The following ANO10 variants were observed in gnomAD, a reference collection of about 807,000 sequenced individuals.
ANO10 encodes the protein anoctamin 10.
In ANO10, 77 loss-of-function variants were observed where a neutral mutation model predicts 74.7. That is an observed-to-expected ratio of 1.03 (90% CI 0.86 to 1.25). The LOEUF is 1.25. ANO10 is among the 50% of genes most tolerant of loss of function. ANO10 has a pLI of 0.00. For missense variants in ANO10, 721 were observed against 778.1 expected, an observed-to-expected ratio of 0.93 and a Z score of 0.87; for synonymous variants, 279 against 284.9, an observed-to-expected ratio of 0.98 and a Z score of 0.21.
chr3:43,445,099 G>T (rs1171387456), intron 11 of ANO10, among the ~76,000 whole-genome samples: 1 of 146,708 alleles, frequency 6.8e-6, no homozygotes, highest in Non-Finnish European at 1.5e-5. Context: ...CTCCAGCCTG[G>T]GCTACAGAGT....
At chr3:43,607,341 A>G (rs893710790) in intron 1 of ANO10, among the ~76,000 whole-genome samples, 3 of 151,908 alleles carry the variant, frequency 2.0e-5, no homozygotes, top group Non-Finnish European at 2.9e-5. Context: ...GTCTAAAAAA[A>G]AAAAACAAAA....
chr3:43,615,313 G>A (rs927611809), intron 1 of ANO10, among the ~76,000 whole-genome samples: 6 of 152,080 alleles, frequency 3.9e-5, no homozygotes, highest in African/African-American at 1.2e-4. Flanking sequence ...CAACCAGACA[G>A]CCTGACACCA....
intron 12 of ANO10, among the ~76,000 whole-genome samples, chr3:43,427,616 T>C (rs2092917868): frequency 6.6e-6 from 1 of 152,210 alleles, no homozygotes; most frequent in African/African-American, 2.4e-5. Context: ...ATGTTTTCAA[T>C]AACTCAATTT....
At chr3:43,505,527 G>A (rs1391383496) in intron 11 of ANO10, among the ~76,000 whole-genome samples, 4 of 152,186 alleles carry the variant, frequency 2.6e-5, no homozygotes, top group African/African-American at 4.8e-5. Flanking sequence ...AGCCCTTTAT[G>A]TGAGGCATGC....
intron 11 of ANO10, among the ~76,000 whole-genome samples, chr3:43,466,795 T>C (rs148191116): frequency 2.6e-5 from 4 of 152,286 alleles, no homozygotes; most frequent in Admixed American, 6.5e-5. Context: ...TTCAACACAT[T>C]ATGTTAAGTA....
At chr3:43,481,935 T>C (rs2076287173) in intron 11 of ANO10, among the ~76,000 whole-genome samples, 1 of 148,132 alleles carries the variant, frequency 6.8e-6, no homozygotes, top group South Asian at 2.2e-4. Context: ...TTCTTTTTTT[T>C]TTTTTTTTTT....
At chr3:43,507,172 T>C (rs1276580759) in intron 11 of ANO10, among the ~76,000 whole-genome samples, 1 of 152,206 alleles carries the variant, frequency 6.6e-6, no homozygotes, top group Non-Finnish European at 1.5e-5. Flanking sequence ...AGTTGATAAG[T>C]ACATTTCTCT....
At chr3:43,500,074 T>C (rs1224225794) in intron 11 of ANO10, among the ~76,000 whole-genome samples, 1 of 152,166 alleles carries the variant, frequency 6.6e-6, no homozygotes, top group Non-Finnish European at 1.5e-5. Flanking sequence ...CTTGAACTCC[T>C]GACCACAGGT....
At chr3:43,439,999 A>T (rs1444842452) in intron 11 of ANO10, among the ~76,000 whole-genome samples, 1 of 152,206 alleles carries the variant, frequency 6.6e-6, no homozygotes, top group Non-Finnish European at 1.5e-5. Context: ...AAGATATTTT[A>T]TGTAATCCCC....
chr3:43,594,056 G>C lies in ANO10; in HGVS notation c.472+4476C>G, dbSNP rs532928764. On this transcript the variant is annotated intron_variant, in intron 4 of 12. Transcript: ENST00000292246. ...TAAAGGGATCAATTCAACAAGAAGAGCTAACTATCCTAAATATATATGCAC... is the reference window on the plus strand; with the variant it reads ...TAAAGGGATCAATTCAACAAGAAGACCTAACTATCCTAAATATATATGCAC... Among the ~76,000 whole-genome samples the C allele has an allele frequency of 2.3e-3, 353 of 152,298 alleles. 2 individuals carry two copies. Among genetic ancestry groups the C allele is most frequent in the African/African-American group, 8.2e-3 (339 of 41,564 alleles).
intron 12 of ANO10, among the ~76,000 whole-genome samples, chr3:43,415,244 T>G (rs1002460961): frequency 5.9e-5 from 9 of 152,056 alleles, no homozygotes; most frequent in Admixed American, 2.6e-4. Flanking sequence ...CCTCAAGTGC[T>G]GGGATTACAG....
intron 12 of ANO10, among the ~76,000 whole-genome samples, chr3:43,428,320 G>C (rs1445032535): frequency 6.6e-6 from 1 of 151,992 alleles, no homozygotes; most frequent in Non-Finnish European, 1.5e-5. Flanking sequence ...AAAGTGCTGG[G>C]ATTACAGGCG....
chr3:43,366,678 ACTGGGAAGGAG>A lies in ANO10; in HGVS notation c.*217_*227del. On this transcript the variant is annotated 3_prime_UTR_variant, in exon 13 of 13. Coordinates refer to ENST00000292246, the MANE Select transcript of ANO10 (RefSeq NM_018075.5). Reference sequence around the variant, plus strand: ...AGCAGCGTGTGGGGCCCGGGAAGGAACTGGGAAGGAGCAGACAGGGTGGGGCTGGGGGAACT... The same window carrying A: ...AGCAGCGTGTGGGGCCCGGGAAGGAACAGACAGGGTGGGGCTGGGGGAACT... The A allele has an allele frequency of 1.7e-6, 1 of 595,948 alleles. No individual in the cohort carries two copies. The highest frequency in any genetic ancestry group is 3.0e-6 in the Non-Finnish European group (1 of 332,848). The allele number at this position is 595,948 out of a possible 1,614,324, so 36.9% of individuals were successfully genotyped here.
chr3:43,368,090 G>C (rs73076843), intron 12 of ANO10, among the ~76,000 whole-genome samples: 2,988 of 152,292 alleles, frequency 0.02, 51 homozygotes, highest in Non-Finnish European at 0.032. Flanking sequence ...CTCAACTCCT[G>C]ACCATTCTCA....
chr3:43,501,674 T>C (rs2077105129), intron 11 of ANO10, among the ~76,000 whole-genome samples: 1 of 152,212 alleles, frequency 6.6e-6, no homozygotes, highest in Non-Finnish European at 1.5e-5. Flanking sequence ...CAGCTCATTA[T>C]TCACTTTCTA....
intron 11 of ANO10, among the ~76,000 whole-genome samples, chr3:43,518,483 G>A (rs761091349): frequency 1.3e-5 from 2 of 152,178 alleles, no homozygotes; most frequent in Non-Finnish European, 2.9e-5. Flanking sequence ...AAAAGGAACA[G>A]GATGGCTGCG....
chr3:43,481,178 A>G (rs553169309), intron 11 of ANO10, among the ~76,000 whole-genome samples: 15 of 152,214 alleles, frequency 9.9e-5, no homozygotes, highest in African/African-American at 1.7e-4. Context: ...AATTTGAGTC[A>G]TATACTCTAG....
At chr3:43,591,642 A>G (rs1276233308) in intron 4 of ANO10, among the ~76,000 whole-genome samples, 1 of 152,200 alleles carries the variant, frequency 6.6e-6, no homozygotes, top group Non-Finnish European at 1.5e-5. Flanking sequence ...GCCGAATAGG[A>G]AAAGCTCCAG....
intron 1 of ANO10, among the ~76,000 whole-genome samples, chr3:43,663,202 G>T (rs2083946916): frequency 6.6e-6 from 1 of 152,170 alleles, no homozygotes; most frequent in Non-Finnish European, 1.5e-5. Flanking sequence ...CCATGATCAA[G>T]TGGGCTTCAT....
Sources: gnomAD v4.1 joint callset for allele counts (sites outside exome capture counted in the v4.1 genomes callset) on GRCh38, gnomAD v4.1.1 for gene constraint, MANE v1.5 for transcripts, NCBI Gene and HGNC (gene_info 2026-07-23, HGNC 2026-07-21) for gene names.